The following PDCD11 variants were observed in gnomAD, a reference collection of about 807,000 sequenced individuals.
PDCD11 encodes the protein programmed cell death 11, also known as protein RRP5 homolog.
A neutral mutation model predicts 198.9 loss-of-function variants in PDCD11; 97 were observed. The ratio of observed to expected loss-of-function variants is 0.49; its 90% CI spans 0.41 to 0.58. PDCD11 has a LOEUF of 0.58. Ranked by LOEUF, PDCD11 falls within the 20% of genes least tolerant of loss-of-function variation. The pLI is 0.00. For missense variants in PDCD11, 2,102 were observed against 2,312.7 expected (o/e 0.91, Z 1.87); for synonymous variants, 893 against 918.0 (o/e 0.97, Z 0.49).
Position 103,435,480 on chromosome 10 carries a change from G to A in PDCD11, c.3845+505G>A, listed in dbSNP as rs886868400. Among the ~76,000 whole-genome samples, 9 of 151,640 alleles carry A rather than the reference G, an allele frequency of 5.9e-5. No homozygotes were observed. The South Asian group carries it at 8.4e-4, about 14-fold the overall frequency. On this transcript the variant is annotated intron_variant, in intron 25 of 35. Coordinates refer to ENST00000369797, the MANE Select transcript of PDCD11 (RefSeq NM_014976.2). ...CAGAGTCTGGCTGGAGTGCAGTGGC[G>A]TGAGACAGAGTCTGGAGTGCAGTGG... is the stretch of plus-strand genomic sequence containing the variant.
rs549856231 is a variant in PDCD11 at position 103,429,619 on chromosome 10, T to G, written c.3368+2228T>G. Reference sequence around the variant, plus strand: ...ATCACAGATGAGTAATTTTTTACAGTAAAAAATTACTGTAATTTTTAAAAT... The same window carrying G: ...ATCACAGATGAGTAATTTTTTACAGGAAAAAATTACTGTAATTTTTAAAAT... On this transcript the variant is annotated intron_variant, in intron 21 of 35. Coordinates refer to ENST00000369797, the MANE Select transcript of PDCD11 (RefSeq NM_014976.2). Among the ~76,000 whole-genome samples the G allele has an allele frequency of 2.6e-5, 4 of 152,218 alleles. No individual in the cohort carries two copies. In the East Asian group the frequency reaches 7.7e-4, roughly 29 times the overall value.
Position 103,413,313 on chromosome 10 carries a change from C to G in PDCD11, c.1176C>G (p.Ala392=). The G allele has an allele frequency of 6.2e-7, 1 of 1,613,930 alleles. No individual in the cohort carries two copies. The highest frequency in any genetic ancestry group is 8.5e-7 in the Non-Finnish European group (1 of 1,179,836). ...ATFRLKDGVL[A]YARLSHLSDS... ...TTAGGCTGAAGGATGGGGTTCTGGC[C>G]TATGCCCGGGTAAGGAGGCCTCTTT... Residue 392 remains alanine (A), a synonymous_variant, in exon 9 of 36, where the codon GCC becomes GCG. Transcript: ENST00000369797.
chr10:103,419,771 G>C (rs2031320055), intron 16 of PDCD11, 63 bp downstream of exon 16: 2 of 1,458,114 alleles, frequency 1.4e-6, no homozygotes, highest in East Asian at 2.3e-5. Flanking sequence ...ACCTGAGGGC[G>C]GGTAGGGAGG....
At position 103,440,240 on chromosome 10, in the gene PDCD11, G is replaced by A; in HGVS notation, c.4149-50G>A. 1.9e-6 allele frequency: 3 copies of A among 1,560,808 alleles called. No homozygotes were observed. In the South Asian group the frequency reaches 3.7e-5, roughly 19 times the overall value. On this transcript the variant is annotated intron_variant, in intron 28 of 35. Transcript: ENST00000369797. ...GAAAAAGGCCTGGGCCGCCTGTGGT[G>A]CCCTCTGCTTTTTATGATGTCTTTA...
At chr10:103,427,065 C>T (rs1369048957) in intron 20 of PDCD11, among the ~76,000 whole-genome samples, 4 of 151,936 alleles carry the variant, frequency 2.6e-5, no homozygotes, top group African/African-American at 4.8e-5. Flanking sequence ...GCCATGATTG[C>T]GCCACTGCAT....
chr10:103,445,102 C>T (rs2032548696), intron 35 of PDCD11, among the ~76,000 whole-genome samples: 1 of 152,190 alleles, frequency 6.6e-6, no homozygotes, highest in South Asian at 2.1e-4. Flanking sequence ...GTCCCCCATC[C>T]CAGTAGCTTT....
At chr10:103,435,905 G>A (rs2133742324) in intron 25 of PDCD11, among the ~76,000 whole-genome samples, 1 of 152,086 alleles carries the variant, frequency 6.6e-6, no homozygotes. Flanking sequence ...CAAAATGACT[G>A]TGCTAATTTA....
intron 13 of PDCD11, 143 bp from the exon 14 acceptor site, chr10:103,417,649 A>G (rs1019938307): frequency 3.7e-6 from 3 of 818,930 alleles, no homozygotes; most frequent in African/African-American, 3.4e-5. Context: ...CTCTCAGTGC[A>G]TTTCTTCTTT....
chr10:103,424,910 C>T lies in PDCD11; in HGVS notation c.2764-74C>T, dbSNP rs2031615212. ...CCCAGAGGGTTTCCTCAGCCACACC[C>T]TGCCCAGTGGGGCCATGAGTGAGTG... On this transcript the variant is annotated intron_variant, in intron 19 of 35. Transcript: ENST00000369797. The T allele has an allele frequency of 3.2e-6, 5 of 1,542,534 alleles. No individual in the cohort carries two copies. In the South Asian group the frequency reaches 6.1e-5, roughly 19 times the overall value.
intron 1 of PDCD11, among the ~76,000 whole-genome samples, chr10:103,397,371 A>C (rs10786751): frequency 0.12 from 17,579 of 152,178 alleles, 1,087 homozygotes; most frequent in East Asian, 0.22. Flanking sequence ...TCCCTGCTTA[A>C]GTCTCTGACT....
Position 103,421,491 on chromosome 10 carries a change from G to A in PDCD11, c.2421G>A (p.Leu807=). The A allele has an allele frequency of 6.3e-7, 1 of 1,596,008 alleles. No homozygotes were observed. Among genetic ancestry groups the A allele is most frequent in the Non-Finnish European group, 8.5e-7 (1 of 1,171,124 alleles). The part of the protein sequence containing the change: ...LRLSDCGLGD[L]AITSLLLLNQ... Reference sequence around the variant, plus strand: ...TGTCGGACTGTGGTCTGGGGGACTTGGCTATCACCAGCCTCCTCCTCCTGA... The same window carrying A: ...TGTCGGACTGTGGTCTGGGGGACTTAGCTATCACCAGCCTCCTCCTCCTGA... The change falls in exon 17 of 36, where the codon TTG becomes TTA. Residue 807 remains leucine, a synonymous_variant. Transcript: ENST00000369797.
At position 103,438,813 on chromosome 10, in the gene PDCD11, GT is replaced by G. The variant is rs2032259456; in HGVS notation, c.4025+6del. On this transcript the variant is annotated splice_donor_region_variant and intron_variant, in intron 27 of 35. Coordinates refer to ENST00000369797, the MANE Select transcript of PDCD11 (RefSeq NM_014976.2). ...GCCACACGGTGTGTTCTTTCGGTGA[GT>G]GAGGGGGGCTCTGCACCCGGACCCA... The G allele has an allele frequency of 1.5e-5, 24 of 1,613,630 alleles. No homozygotes were observed. Among genetic ancestry groups the G allele is most frequent in the Non-Finnish European group, 2.0e-5 (24 of 1,180,006 alleles).
chr10:103,433,807 G>T, intron 22 of PDCD11, 141 bp from the exon 23 acceptor site: 1 of 659,960 alleles, frequency 1.5e-6, no homozygotes, highest in Non-Finnish European at 2.7e-6. Context: ...GTTGGGCAAG[G>T]GCAGTGGGAT....
At position 103,413,275 on chromosome 10, in the gene PDCD11, G is replaced by A; in HGVS notation, c.1138G>A (p.Ala380Thr). The change falls in exon 9 of 36, where the codon GCT becomes ACT. Residue 380 changes from alanine to threonine, a missense_variant. Transcript: ENST00000369797. ...DVPVQGFFKK[A>T]GATFRLKDGV... ...TCCTGTCCAGGGTTTTTTCAAAAAG[G>A]CTGGGGCCACCTTTAGGCTGAAGGA... The A allele has an allele frequency of 6.2e-7, 1 of 1,614,172 alleles. No homozygotes were observed. Among genetic ancestry groups the A allele is most frequent in the East Asian group, 2.2e-5 (1 of 44,878 alleles).
At position 103,398,455 on chromosome 10, in the gene PDCD11, G is replaced by A. The variant is rs1020960291; in HGVS notation, c.29G>A (p.Arg10Gln). Residue 10 changes from arginine to glutamine, a missense_variant, in exon 2 of 36, where the codon CGA becomes CAA. Transcript: ENST00000369797. ...GCAAACCTGGAAGAAAGCTTCCCCC[G>A]AGGAGGTACAAGAAAGATCCACAAA... is the stretch of plus-strand genomic sequence containing the variant. MANLEESFP[R>Q]GGTRKIHKPE... 5 of 1,613,992 alleles carry A rather than the reference G, an allele frequency of 3.1e-6. No individual in the cohort carries two copies. The highest frequency in any genetic ancestry group is 4.2e-6 in the Non-Finnish European group (5 of 1,179,896).
intron 16 of PDCD11, among the ~76,000 whole-genome samples, chr10:103,420,382 A>G (rs1196819891): frequency 3.3e-5 from 5 of 152,072 alleles, no homozygotes; most frequent in African/African-American, 1.2e-4. Context: ...CAGACTTCTG[A>G]GGTTTTTGAG....
Position 103,414,342 on chromosome 10 carries a change from A to C in PDCD11, c.1371+12A>C. Reference sequence around the variant, plus strand: ...GGGCAGTGGTAAAGGTAAGACCTCAAGCATATAATTAGGTACTGCCTCACC... The same window carrying C: ...GGGCAGTGGTAAAGGTAAGACCTCACGCATATAATTAGGTACTGCCTCACC... On this transcript the variant is annotated intron_variant, in intron 11 of 35. Coordinates refer to ENST00000369797, the MANE Select transcript of PDCD11 (RefSeq NM_014976.2). 6.2e-7 allele frequency: 1 copy of C among 1,604,336 alleles called. No individual in the cohort carries two copies. Among genetic ancestry groups the C allele is most frequent in the Non-Finnish European group, 8.5e-7 (1 of 1,171,152 alleles).
intron 29 of PDCD11, 35 bp from the exon 30 acceptor site, chr10:103,440,699 G>A (rs2032347467): frequency 6.2e-7 from 1 of 1,612,500 alleles, no homozygotes. Flanking sequence ...GCTGCAGGAG[G>A]ATGCTCCTAG....
In PDCD11 at chr10:103,445,613, G is replaced by A; in HGVS notation, c.*64G>A. On this transcript the variant is annotated 3_prime_UTR_variant, in exon 36 of 36. Coordinates refer to ENST00000369797, the MANE Select transcript of PDCD11 (RefSeq NM_014976.2). Reference sequence around the variant, plus strand: ...CAGCCCGGCCCCGCCTCGAGTGCCTGGGCACTCGGAAAACTGTTACCTCAG... The same window carrying A: ...CAGCCCGGCCCCGCCTCGAGTGCCTAGGCACTCGGAAAACTGTTACCTCAG... 5 of 1,428,784 alleles carry A rather than the reference G, an allele frequency of 3.5e-6. No individual in the cohort carries two copies. The highest frequency in any genetic ancestry group is 3.9e-6 in the Non-Finnish European group (4 of 1,032,730). 88.5% of individuals were successfully genotyped at this position (1,428,784 alleles called of 1,614,324 possible). A position where few individuals can be genotyped will look rare whatever the true frequency, so the allele number is the denominator to read the frequency against.
Sources: gnomAD v4.1 joint callset for allele counts (sites outside exome capture counted in the v4.1 genomes callset) on GRCh38, gnomAD v4.1.1 for gene constraint, MANE v1.5 for transcripts, NCBI Gene and HGNC (gene_info 2026-07-23, HGNC 2026-07-21) for gene names.